GON4L: variants seen among roughly 807,000 people sequenced by gnomAD.
GON4L encodes the protein GON-4-like protein.
In GON4L, 87 loss-of-function variants were observed where a neutral mutation model predicts 211.8. The ratio of observed to expected loss-of-function variants is 0.41; its 90% CI spans 0.35 to 0.49. GON4L has a LOEUF of 0.49. Among genes scored for constraint, GON4L ranks in the 20% least tolerant of loss-of-function variants. The pLI is 0.15. For synonymous variants in GON4L, 875 were observed against 962.6 expected, an observed-to-expected ratio of 0.91 and a Z score of 1.68; for missense variants, 2,155 against 2,659.5, an observed-to-expected ratio of 0.81 and a Z score of 4.17.
intron 10 of GON4L, among the ~76,000 whole-genome samples, chr1:155,807,820 A>C (rs890990213): frequency 1.3e-5 from 2 of 151,156 alleles, no homozygotes; most frequent in Admixed American, 6.6e-5. Flanking sequence ...TTTTAGGATT[A>C]GACTGTTAAT....
At chr1:155,841,959 C>T (rs1332287754) in intron 2 of GON4L, among the ~76,000 whole-genome samples, 6 of 152,056 alleles carry the variant, frequency 3.9e-5, no homozygotes, top group Admixed American at 3.9e-4. Flanking sequence ...ACCTGGAAGG[C>T]GGCTGTTGCA....
At chr1:155,778,096 AG>A (rs1341701579) in intron 14 of GON4L, among the ~76,000 whole-genome samples, 71 of 152,308 alleles carry the variant, frequency 4.7e-4, no homozygotes, top group Admixed American at 4.2e-3. Context: ...TTAAAATGCT[AG>A]GAACAGAGAA....
At chr1:155,759,964 A>ATT (rs1002075976) in intron 24 of GON4L, among the ~76,000 whole-genome samples, 8 of 134,050 alleles carry the variant, frequency 6.0e-5, no homozygotes, top group Non-Finnish European at 1.1e-4. Context: ...TATTTTATAT[A>ATT]TTATATATAT....
At chr1:155,772,500 C>G (rs1187864526) in intron 18 of GON4L, among the ~76,000 whole-genome samples, 1 of 151,720 alleles carries the variant, frequency 6.6e-6, no homozygotes, top group African/African-American at 2.4e-5. Flanking sequence ...TGCCTGTAAT[C>G]CCAGCACTTT....
chr1:155,814,955 A>G (rs1668111538), intron 8 of GON4L, among the ~76,000 whole-genome samples: 2 of 151,990 alleles, frequency 1.3e-5, no homozygotes, highest in South Asian at 4.1e-4. Flanking sequence ...TCTACTAAAA[A>G]TACAAAAATT....
chr1:155,815,361 A>G (rs1046650828), intron 8 of GON4L, among the ~76,000 whole-genome samples: 2 of 152,204 alleles, frequency 1.3e-5, no homozygotes, highest in Non-Finnish European at 2.9e-5. Context: ...CCATTTATAT[A>G]AAGTTCAAAA....
downstream of GON4L, chr1:155,748,594 C>T (rs1557813048): frequency 2.4e-5 from 39 of 1,613,298 alleles, no homozygotes; most frequent in Non-Finnish European, 3.1e-5. Context: ...TGTTCTCTTC[C>T]TTCTCTTTAA....
At chr1:155,779,537 G>A (rs982317035) in intron 14 of GON4L, among the ~76,000 whole-genome samples, 7 of 151,898 alleles carry the variant, frequency 4.6e-5, no homozygotes, top group South Asian at 2.1e-4. Context: ...GGATGGTCTC[G>A]ATCTCTTGAC....
intron 11 of GON4L, among the ~76,000 whole-genome samples, chr1:155,796,267 T>C (rs1309699992): frequency 2.0e-5 from 3 of 151,482 alleles, no homozygotes; most frequent in African/African-American, 7.3e-5. Flanking sequence ...TCTTCTCCCT[T>C]TTAATTTTCT....
intron 2 of GON4L, among the ~76,000 whole-genome samples, chr1:155,850,893 C>CAA (rs1054559671): frequency 7.8e-6 from 1 of 127,934 alleles, no homozygotes. Flanking sequence ...AACTAAAATA[C>CAA]AAAAAAAAAA....
In GON4L at chr1:155,785,343, C is replaced by G. The variant is rs769786454; in HGVS notation, c.1779G>C (p.Leu593=). 6.3e-7 allele frequency: 1 copy of G among 1,594,060 alleles called. No homozygotes were observed. Among genetic ancestry groups the G allele is most frequent in the East Asian group, 2.2e-5 (1 of 44,800 alleles). ...GAGGATCATTACTCACAGTTTCAAA[C>G]AGCTCTTCCATCAGCTCATTTACTT... The part of the protein sequence containing the change: ...KKEVNELMEE[L]FETFQDEMGF... Residue 593 remains leucine (L), a synonymous_variant, in exon 13 of 32, where the codon CTG becomes CTC. Transcript: ENST00000368331.
At chr1:155,797,760 G>A (rs1272624934) in intron 11 of GON4L, among the ~76,000 whole-genome samples, 1 of 151,364 alleles carries the variant, frequency 6.6e-6, no homozygotes, top group Non-Finnish European at 1.5e-5. Context: ...GGCTGAGGCA[G>A]GAGAATCACT....
At chr1:155,842,401 G>A (rs1411461963) in intron 2 of GON4L, among the ~76,000 whole-genome samples, 2 of 151,776 alleles carry the variant, frequency 1.3e-5, no homozygotes, top group African/African-American at 2.4e-5. Flanking sequence ...GCAGGCACCT[G>A]TAGTCCCAGC....
intron 9 of GON4L, 90 bp from the exon 10 acceptor site, chr1:155,813,894 G>T: frequency 9.6e-7 from 1 of 1,043,966 alleles, no homozygotes; most frequent in Non-Finnish European, 1.4e-6. Context: ...GGAAAAAGAG[G>T]CAGACTTTCC....
chr1:155,808,835 C>T (rs1413377032), intron 10 of GON4L, among the ~76,000 whole-genome samples: 1 of 152,018 alleles, frequency 6.6e-6, no homozygotes, highest in Non-Finnish European at 1.5e-5. Flanking sequence ...TTGTCTTGAC[C>T]TCCTGGGCTC....
chr1:155,796,520 C>T (rs964771164), intron 11 of GON4L, among the ~76,000 whole-genome samples: 4 of 151,960 alleles, frequency 2.6e-5, no homozygotes, highest in African/African-American at 9.7e-5. Context: ...TCAGGTGATC[C>T]GCCTGCATTG....
At chr1:155,773,341 C>T (rs1663407980) in intron 17 of GON4L, 131 bp from the exon 18 acceptor site, 2 of 986,332 alleles carry the variant, frequency 2.0e-6, no homozygotes, top group Admixed American at 4.6e-5. Context: ...ATCTGCCCAC[C>T]ATCCCCCCAA....
At chr1:155,805,880 G>A (rs1667078382) in intron 10 of GON4L, among the ~76,000 whole-genome samples, 1 of 151,644 alleles carries the variant, frequency 6.6e-6, no homozygotes, top group Non-Finnish European at 1.5e-5. Context: ...ACTAGAAACG[G>A]AGCTTCACCA....
chr1:155,780,660 T>A (rs1327625755), intron 14 of GON4L, among the ~76,000 whole-genome samples: 1 of 152,068 alleles, frequency 6.6e-6, no homozygotes, highest in East Asian at 1.9e-4. Context: ...AACCCTAACT[T>A]CCCACCCCTA....
Sources: allele counts gnomAD v4.1 joint callset (sites outside exome capture counted in the v4.1 genomes callset), GRCh38; gene constraint gnomAD v4.1.1; transcripts MANE v1.5; gene names NCBI Gene and HGNC (gene_info 2026-07-23, HGNC 2026-07-21).